Variants in ZNF804B observed in about 807,000 individuals in gnomAD.
ZNF804B encodes zinc finger 804B.
In ZNF804B, 80 loss-of-function variants were observed where a neutral mutation model predicts 101.4. The observed-to-expected ratio is 0.79, with a 90% CI of 0.66 to 0.95. The LOEUF (loss-of-function observed/expected upper bound fraction) is 0.95, where lower values mean the gene tolerates loss of function less well. Among genes scored for constraint, ZNF804B ranks in the 40% least tolerant of loss-of-function variants. The probability of loss-of-function intolerance (pLI) is 0.00; values close to 1 mark genes in which losing one functional copy is unlikely to be tolerated. For missense variants in ZNF804B, 1,673 were observed against 1,561.9 expected (o/e 1.07, Z -1.20); for synonymous variants, 622 against 558.8 (o/e 1.11, Z -1.59).
intron 2 of ZNF804B, among the ~76,000 whole-genome samples, chr7:89,267,909 G>A (rs1217136098): frequency 6.6e-6 from 1 of 152,038 alleles, no homozygotes. Flanking sequence ...CTGGTGATAG[G>A]TAGCTGAAAA....
At chr7:89,299,142 G>A (rs960195746) in intron 2 of ZNF804B, among the ~76,000 whole-genome samples, 4 of 151,954 alleles carry the variant, frequency 2.6e-5, no homozygotes, top group Non-Finnish European at 4.4e-5. Context: ...TAGATTGCTA[G>A]CATTTTAAAC....
At chr7:88,889,104 G>A (rs1169549545) in intron 1 of ZNF804B, among the ~76,000 whole-genome samples, 2 of 152,084 alleles carry the variant, frequency 1.3e-5, no homozygotes, top group Non-Finnish European at 2.9e-5. Flanking sequence ...CCATGTTGCT[G>A]CAAAGGATAT....
At chr7:88,872,553 T>C (rs1791845386) in intron 1 of ZNF804B, among the ~76,000 whole-genome samples, 1 of 152,068 alleles carries the variant, frequency 6.6e-6, no homozygotes, top group Non-Finnish European at 1.5e-5. Context: ...TGTGCCATGC[T>C]GGTGCACTGC....
At chr7:88,918,389 G>A (rs1422037033) in intron 1 of ZNF804B, among the ~76,000 whole-genome samples, 1 of 152,098 alleles carries the variant, frequency 6.6e-6, no homozygotes, top group East Asian at 1.9e-4. Context: ...TCAAAATTCA[G>A]GAGCATTGCC....
chr7:88,962,755 G>A lies in ZNF804B; in HGVS notation c.108+202671G>A, dbSNP rs542401083. ...TATATATATATATATATATGAATAC[G>A]TATTTATATAATTACATAATTATAA... On this transcript the variant is annotated intron_variant, in intron 1 of 3. Coordinates refer to ENST00000333190, the MANE Select transcript of ZNF804B (RefSeq NM_181646.5). Among the ~76,000 whole-genome samples the A allele has an allele frequency of 2.5e-3, 226 of 90,316 alleles. 1 individual carries two copies. Among genetic ancestry groups the A allele is most frequent in the Middle Eastern group, 7.7e-3 (1 of 130 alleles). 59.3% of individuals were successfully genotyped at this position (90,316 alleles called of 152,430 possible).
chr7:89,291,800 G>A (rs1423461791), intron 2 of ZNF804B, among the ~76,000 whole-genome samples: 1 of 151,934 alleles, frequency 6.6e-6, no homozygotes, highest in Non-Finnish European at 1.5e-5. Context: ...TACCAAACAG[G>A]TTTTACCCAA....
At chr7:89,210,125 G>A (rs1421717029) in intron 1 of ZNF804B, among the ~76,000 whole-genome samples, 2 of 149,860 alleles carry the variant, frequency 1.3e-5, no homozygotes. Flanking sequence ...CCCAGCCTGG[G>A]TGAGAGTGAG....
intron 1 of ZNF804B, among the ~76,000 whole-genome samples, chr7:89,052,014 T>A (rs1189054333): frequency 6.6e-6 from 1 of 152,206 alleles, no homozygotes; most frequent in Non-Finnish European, 1.5e-5. Flanking sequence ...TCTTTCATTT[T>A]ACCAACTTAA....
At chr7:88,832,359 T>C (rs1316852276) in intron 1 of ZNF804B, among the ~76,000 whole-genome samples, 1 of 152,026 alleles carries the variant, frequency 6.6e-6, no homozygotes, top group East Asian at 1.9e-4. Flanking sequence ...TTTTTAAAGA[T>C]GCAGACAACC....
In ZNF804B at chr7:88,837,350, G is replaced by A. The variant is rs144950692; in HGVS notation, c.108+77266G>A. 4.1e-3 allele frequency among the ~76,000 whole-genome samples: 627 copies of A among 152,022 alleles called. 7 individuals carry two copies. The highest frequency in any genetic ancestry group is 0.014 in the African/African-American group (599 of 41,514). On this transcript the variant is annotated intron_variant, in intron 1 of 3. Coordinates refer to ENST00000333190, the MANE Select transcript of ZNF804B (RefSeq NM_181646.5). Reference sequence around the variant, plus strand: ...GAAATCGAAATTTTGGAAAACTTGTGTGACATCCACTGTGAGTTGAGAGCT... The same window carrying A: ...GAAATCGAAATTTTGGAAAACTTGTATGACATCCACTGTGAGTTGAGAGCT...
intron 1 of ZNF804B, among the ~76,000 whole-genome samples, chr7:89,090,378 T>G (rs946796335): frequency 6.6e-6 from 1 of 152,016 alleles, no homozygotes; most frequent in Non-Finnish European, 1.5e-5. Context: ...AGTTTCAGGA[T>G]AGAATAAGAG....
chr7:89,134,329 A>T (rs1652750732), intron 1 of ZNF804B, among the ~76,000 whole-genome samples: 1 of 152,068 alleles, frequency 6.6e-6, no homozygotes, highest in African/African-American at 2.4e-5. Context: ...AGGTTTCCAG[A>T]TAAATGTGTA....
chr7:89,051,620 T>C, intron 1 of ZNF804B, among the ~76,000 whole-genome samples: 1 of 152,206 alleles, frequency 6.6e-6, no homozygotes, highest in East Asian at 1.9e-4. Context: ...TCTTTTCATA[T>C]ACTAAGAGTC....
At chr7:88,778,006 C>T (rs1790170669) in intron 1 of ZNF804B, among the ~76,000 whole-genome samples, 1 of 151,804 alleles carries the variant, frequency 6.6e-6, no homozygotes, top group South Asian at 2.1e-4. Flanking sequence ...TATTAGTTTC[C>T]CACTGCTACT....
chr7:88,805,652 A>G (rs1213138546), intron 1 of ZNF804B, among the ~76,000 whole-genome samples: 2 of 152,198 alleles, frequency 1.3e-5, no homozygotes, highest in African/African-American at 4.8e-5. Context: ...AGGGTGATGA[A>G]GTAGAGCACA....
At chr7:89,162,788 A>C (rs1026611193) in intron 1 of ZNF804B, among the ~76,000 whole-genome samples, 1 of 139,628 alleles carries the variant, frequency 7.2e-6, no homozygotes, top group Non-Finnish European at 1.6e-5. Flanking sequence ...ATATCTCCCA[A>C]TGCCATCCCT....
chr7:88,791,210 T>C (rs1424322926), intron 1 of ZNF804B, among the ~76,000 whole-genome samples: 2 of 152,088 alleles, frequency 1.3e-5, no homozygotes, highest in Non-Finnish European at 2.9e-5. Context: ...TAAACCTCCT[T>C]TATTCAACTG....
At chr7:89,160,273 G>C (rs560867434) in intron 1 of ZNF804B, among the ~76,000 whole-genome samples, 16 of 152,168 alleles carry the variant, frequency 1.1e-4, no homozygotes, top group South Asian at 8.3e-4. Context: ...CAATAAATCA[G>C]GCTCAATAGT....
chr7:88,760,909 TATAATA>T (rs908982107), intron 1 of ZNF804B, among the ~76,000 whole-genome samples: 3 of 146,794 alleles, frequency 2.0e-5, no homozygotes, highest in African/African-American at 4.9e-5. Context: ...TAAATATATA[TATAATA>T]AATATATATA....
Sources: allele counts gnomAD v4.1 joint callset (sites outside exome capture counted in the v4.1 genomes callset), GRCh38; gene constraint gnomAD v4.1.1; transcripts MANE v1.5; gene names NCBI Gene and HGNC (gene_info 2026-07-23, HGNC 2026-07-21).